EPHA6: variants seen among roughly 807,000 people sequenced by gnomAD.
EPHA6 encodes ephrin type-A receptor 6.
In EPHA6, 50 loss-of-function variants were observed where a neutral mutation model predicts 112.0. That is an observed-to-expected ratio of 0.45 (90% CI 0.36 to 0.56). EPHA6 has a LOEUF of 0.56. Among genes scored for constraint, EPHA6 ranks in the 20% least tolerant of loss-of-function variants. The probability of loss-of-function intolerance (pLI) is 0.00; values close to 1 mark genes in which losing one functional copy is unlikely to be tolerated. For synonymous variants in EPHA6, 529 were observed against 490.7 expected (o/e 1.08, Z -1.03); for missense variants, 1,280 against 1,417.4 (o/e 0.90, Z 1.56).
intron 2 of EPHA6, among the ~76,000 whole-genome samples, chr3:96,917,938 A>T (rs946123056): frequency 6.6e-6 from 1 of 152,184 alleles, no homozygotes. Context: ...ACAGATAAGG[A>T]ATTTGAAAGA....
At chr3:97,368,836 C>T (rs2084888771) in intron 5 of EPHA6, among the ~76,000 whole-genome samples, 1 of 151,870 alleles carries the variant, frequency 6.6e-6, no homozygotes, top group Non-Finnish European at 1.5e-5. Flanking sequence ...CACCACTATG[C>T]CCAAGTGTTG....
rs2031300787 is a variant in EPHA6 at position 97,675,631 on chromosome 3, CTT to C, written c.2784+37551_2784+37552del. ...CTTATATGATACATGTGGCAATAAT[CTT>C]TGATCTGAAACAGTCGTTACCCATA... On this transcript the variant is annotated intron_variant, in intron 14 of 17. Transcript: ENST00000389672. 5.9e-5 allele frequency among the ~76,000 whole-genome samples: 9 copies of C among 152,258 alleles called. No homozygotes were observed. The South Asian group carries it at 1.9e-3, about 32-fold the overall frequency.
intron 7 of EPHA6, among the ~76,000 whole-genome samples, chr3:97,465,610 G>A (rs992387178): frequency 7.2e-5 from 11 of 152,188 alleles, no homozygotes; most frequent in African/African-American, 2.6e-4. Context: ...TGATCCAAAA[G>A]CTTCCCTTAG....
chr3:97,591,810 G>A (rs948025883), intron 11 of EPHA6, among the ~76,000 whole-genome samples: 11 of 152,058 alleles, frequency 7.2e-5, no homozygotes, highest in Non-Finnish European at 1.6e-4. Context: ...ATTCTAGTGT[G>A]GGAAGAGTTT....
chr3:97,571,702 C>T (rs2093334397), intron 11 of EPHA6, among the ~76,000 whole-genome samples: 1 of 152,180 alleles, frequency 6.6e-6, no homozygotes, highest in Non-Finnish European at 1.5e-5. Context: ...ACACAGCAGA[C>T]ACACGTTAGA....
At chr3:97,011,889 A>T (rs992295481) in intron 3 of EPHA6, among the ~76,000 whole-genome samples, 53 of 152,184 alleles carry the variant, frequency 3.5e-4, no homozygotes, top group African/African-American at 1.2e-3. Flanking sequence ...AAGTGAGGAC[A>T]TACTTACTTA....
At chr3:96,907,086 G>GA (rs972004775) in intron 2 of EPHA6, among the ~76,000 whole-genome samples, 10 of 151,720 alleles carry the variant, frequency 6.6e-5, no homozygotes, top group African/African-American at 2.2e-4. Context: ...AACTATTATG[G>GA]AACGTTATAA....
intron 3 of EPHA6, among the ~76,000 whole-genome samples, chr3:97,101,571 G>A (rs572425842): frequency 1.9e-4 from 29 of 152,084 alleles, no homozygotes; most frequent in African/African-American, 6.7e-4. Flanking sequence ...ATTCATTTAA[G>A]CAAGTTTTTC....
intron 5 of EPHA6, among the ~76,000 whole-genome samples, chr3:97,297,838 A>G (rs1358659873): frequency 6.6e-6 from 1 of 152,102 alleles, no homozygotes; most frequent in African/African-American, 2.4e-5. Flanking sequence ...ATCTTGGCTC[A>G]CTGCAACCTC....
At chr3:97,431,542 A>T (rs1463558709) in intron 6 of EPHA6, among the ~76,000 whole-genome samples, 1 of 152,120 alleles carries the variant, frequency 6.6e-6, no homozygotes, top group Non-Finnish European at 1.5e-5. Flanking sequence ...TTATTTCCAT[A>T]TGTCCCTTGA....
chr3:97,474,132 A>G (rs2091304292), intron 7 of EPHA6, among the ~76,000 whole-genome samples: 2 of 151,812 alleles, frequency 1.3e-5, no homozygotes, highest in South Asian at 4.1e-4. Context: ...ATTACTCTGG[A>G]TATGAATTTG....
chr3:96,864,069 A>C (rs2036164673), intron 1 of EPHA6, among the ~76,000 whole-genome samples: 1 of 152,088 alleles, frequency 6.6e-6, no homozygotes, highest in Admixed American at 6.6e-5. Flanking sequence ...AAAACTGGAC[A>C]AAACCAAGTC....
intron 5 of EPHA6, among the ~76,000 whole-genome samples, chr3:97,260,100 C>A (rs929651230): frequency 1.3e-5 from 2 of 152,116 alleles, no homozygotes; most frequent in African/African-American, 2.4e-5. Context: ...CGTGCCCAGC[C>A]AGAAAGTATA....
chr3:96,883,898 C>T (rs911868122), intron 2 of EPHA6, among the ~76,000 whole-genome samples: 4 of 152,116 alleles, frequency 2.6e-5, no homozygotes, highest in Non-Finnish European at 4.4e-5. Flanking sequence ...TCTTGAACTC[C>T]TGACTTCAGA....
At chr3:96,985,451 A>G (rs533018263) in intron 2 of EPHA6, among the ~76,000 whole-genome samples, 2 of 152,166 alleles carry the variant, frequency 1.3e-5, no homozygotes, top group African/African-American at 4.8e-5. Flanking sequence ...TATATTTAGA[A>G]TGATTATATT....
At chr3:96,826,476 T>C (rs2033666460) in intron 1 of EPHA6, among the ~76,000 whole-genome samples, 1 of 152,054 alleles carries the variant, frequency 6.6e-6, no homozygotes, top group Non-Finnish European at 1.5e-5. Flanking sequence ...TTTAGTATAT[T>C]AGTAAATGAT....
intron 6 of EPHA6, among the ~76,000 whole-genome samples, chr3:97,427,906 G>T (rs2089258122): frequency 6.6e-6 from 1 of 152,136 alleles, no homozygotes. Context: ...AATAGACACT[G>T]GGGCCTACTT....
intron 3 of EPHA6, among the ~76,000 whole-genome samples, chr3:97,133,672 G>A (rs751116365): frequency 4.0e-5 from 6 of 151,882 alleles, no homozygotes; most frequent in Non-Finnish European, 5.9e-5. Flanking sequence ...CCTTCTTGAT[G>A]TTTTCTATTC....
chr3:97,272,197 G>GTCTGCCTT (rs1321634231), intron 5 of EPHA6, among the ~76,000 whole-genome samples: 1 of 151,990 alleles, frequency 6.6e-6, no homozygotes, highest in Non-Finnish European at 1.5e-5. Context: ...TCCTTTAGGG[G>GTCTGCCTT]TCTGCCTTAC....
Sources: allele counts gnomAD v4.1 joint callset (sites outside exome capture counted in the v4.1 genomes callset), GRCh38; gene constraint gnomAD v4.1.1; transcripts MANE v1.5; gene names NCBI Gene and HGNC (gene_info 2026-07-23, HGNC 2026-07-21).